NBPF9: variants seen among roughly 807,000 people sequenced by gnomAD.
NBPF9 encodes NBPF member 9.
Under a neutral mutation model 97.8 loss-of-function variants are expected in NBPF9, and 91 were observed. That is an observed-to-expected ratio of 0.93 (90% CI 0.79 to 1.11). The LOEUF is 1.11. NBPF9 is among the 50% of genes least tolerant of loss of function. The pLI, the probability that NBPF9 is intolerant of heterozygous loss-of-function variation, is 0.00. For missense variants in NBPF9, 992 were observed against 939.5 expected (o/e 1.06, Z -0.73); for synonymous variants, 334 against 359.5 (o/e 0.93, Z 0.80).
chr1:149,085,276 A>G (rs1400293012), intron 5 of NBPF9, among the ~76,000 whole-genome samples: 4 of 152,172 alleles, frequency 2.6e-5, no homozygotes, highest in Admixed American at 6.5e-5. Context: ...ATAACTGTAC[A>G]TAAGTGGGCA....
At chr1:149,089,723 G>C (rs2081293045) in intron 5 of NBPF9, among the ~76,000 whole-genome samples, 1 of 152,304 alleles carries the variant, frequency 6.6e-6, no homozygotes, top group South Asian at 2.1e-4. Context: ...TCAAGATATT[G>C]TTATTTTCAA....
rs1162853203 is a variant in NBPF9, at chr1:149,088,083, G to A, written c.-195+2670C>T. On this transcript the variant is annotated intron_variant, in intron 5 of 29. Coordinates refer to ENST00000584027, the Ensembl canonical transcript of NBPF9. ...CCTGACCTCATGATCTGCCCACCTC[G>A]GCCTCCCAAAGTGCTGAGATTACAG... Among the ~76,000 whole-genome samples, 29 of 152,154 alleles carry A rather than the reference G, an allele frequency of 1.9e-4. No individual in the cohort carries two copies. The East Asian group carries it at 2.1e-3, about 11-fold the overall frequency.
chr1:149,062,570 A>G (rs878945047), intron 21 of NBPF9, among the ~76,000 whole-genome samples: 6 of 140,600 alleles, frequency 4.3e-5, no homozygotes, highest in Non-Finnish European at 9.3e-5. Flanking sequence ...CACACAGCGA[A>G]CAGTGATCAT....
intron 13 of NBPF9, 38 bp from the exon 14 acceptor site, chr1:149,072,970 G>C: frequency 6.3e-7 from 1 of 1,595,338 alleles, no homozygotes; most frequent in Non-Finnish European, 8.6e-7. Flanking sequence ...AGAGTGGAAA[G>C]GGTTGAGTGA....
At chr1:149,094,746 C>A (rs1391224215) in intron 4 of NBPF9, among the ~76,000 whole-genome samples, 1 of 143,346 alleles carries the variant, frequency 7.0e-6, no homozygotes, top group African/African-American at 2.8e-5. Context: ...TGAAAGTCAA[C>A]CCTTCTAGGG....
At chr1:149,068,340 TAA>T (rs1375453304) in intron 17 of NBPF9, among the ~76,000 whole-genome samples, 2 of 151,044 alleles carry the variant, frequency 1.3e-5, no homozygotes, top group Non-Finnish European at 2.9e-5. Context: ...GCAAATTGGA[TAA>T]AGAGTCAAGA....
chr1:149,076,041 A>G (rs1180722822), intron 11 of NBPF9, among the ~76,000 whole-genome samples, 177 bp from the exon 12 acceptor site: 1 of 152,072 alleles, frequency 6.6e-6, no homozygotes, highest in Non-Finnish European at 1.5e-5. Flanking sequence ...TGTCTTAGCT[A>G]TGCAGTCACC....
In NBPF9 at chr1:149,096,050, T is replaced by G. The variant is rs587639250; in HGVS notation, c.-337+2388A>C. 2.0e-5 allele frequency among the ~76,000 whole-genome samples: 3 copies of G among 152,088 alleles called. No individual in the cohort carries two copies. The South Asian group carries it at 6.2e-4, about 32-fold the overall frequency. On this transcript the variant is annotated intron_variant, in intron 4 of 29. Transcript: ENST00000584027. ...TGATTTTACAAAACAAGCTGTCAAGTCATGAAAAGACGTGGAGGAACTTAA... is the reference window on the plus strand; with the variant it reads ...TGATTTTACAAAACAAGCTGTCAAGGCATGAAAAGACGTGGAGGAACTTAA...
In NBPF9 at chr1:149,064,476, C is replaced by T. The variant is rs1170634053; in HGVS notation, c.1808G>A (p.Arg603Gln). The change falls in exon 19 of 30, where the codon CGG (arginine) becomes CAG (glutamine). Residue 603 changes from arginine to glutamine, a missense_variant. By Grantham distance (43) the Arg-to-Gln change is conservative. This residue lies in a region of NBPF9 where 16 missense variants were observed against 45.2 expected (regional missense o/e 0.35). Transcript: ENST00000584027. ...GTCCTCCTTTTTCACTTGATCCCAC[C>T]GATGTCCTGCAAATAAATTCAGATG... The T allele has an allele frequency of 1.8e-5, 27 of 1,478,636 alleles. 1 individual carries two copies. Among genetic ancestry groups the T allele is most frequent in the East Asian group, 1.7e-4 (7 of 41,302 alleles). 91.6% of individuals were successfully genotyped at this position (1,478,636 alleles called of 1,614,324 possible). A position where few individuals can be genotyped will look rare whatever the true frequency, so the allele number is the denominator to read the frequency against.
At chr1:149,094,202 C>T (rs2081597536) in intron 4 of NBPF9, among the ~76,000 whole-genome samples, 1 of 150,056 alleles carries the variant, frequency 6.7e-6, no homozygotes, top group Non-Finnish European at 1.5e-5. Context: ...GAAAATGTAT[C>T]ATCTCAATTT....
At chr1:149,087,172 T>C (rs1333810188) in intron 5 of NBPF9, among the ~76,000 whole-genome samples, 1 of 152,030 alleles carries the variant, frequency 6.6e-6, no homozygotes, top group Non-Finnish European at 1.5e-5. Context: ...TGTGTCTTCT[T>C]TTCTGAAGTA....
At chr1:149,075,305 G>T (rs2079761785) in intron 12 of NBPF9, among the ~76,000 whole-genome samples, 1 of 152,180 alleles carries the variant, frequency 6.6e-6, no homozygotes, top group Non-Finnish European at 1.5e-5. Context: ...CAGACATTTA[G>T]AACAACAGAC....
chr1:149,103,123 G>A (rs1217695925), intron 1 of NBPF9, among the ~76,000 whole-genome samples, 178 bp downstream of exon 1: 1 of 152,004 alleles, frequency 6.6e-6, no homozygotes, highest in Non-Finnish European at 1.5e-5. Context: ...CGGCAAGCGA[G>A]GAATCGAACG....
chr1:149,093,011 A>T (rs1432534534), intron 4 of NBPF9, among the ~76,000 whole-genome samples: 1 of 150,510 alleles, frequency 6.6e-6, no homozygotes, highest in African/African-American at 2.4e-5. Flanking sequence ...TTCAGCATAC[A>T]GAGGACCCAT....
At chr1:149,087,844 T>C (rs1371721403) in intron 5 of NBPF9, among the ~76,000 whole-genome samples, 2 of 138,954 alleles carry the variant, frequency 1.4e-5, no homozygotes, top group African/African-American at 5.4e-5. Flanking sequence ...TTTTTTTTTT[T>C]TTTTTTGAGA....
chr1:149,090,458 T>C (rs1446389253), intron 5 of NBPF9: 124,595 of 243,490 alleles, frequency 0.51, 32,814 homozygotes, highest in African/African-American at 0.62. Context: ...GGACAGACAA[T>C]AAATTTGCAT....
rs1242012286 is a variant in NBPF9, at chr1:149,087,374, C to CAT, written c.-195+3377_-195+3378dup. On this transcript the variant is annotated intron_variant, in intron 5 of 29. Transcript: ENST00000584027. Reference sequence around the variant, plus strand: ...ACGTTTGTGTGTGTATGTGTGTATACATATATATATGTCCTAAGAATCAAT... The same window carrying CAT: ...ACGTTTGTGTGTGTATGTGTGTATACATATATATATATGTCCTAAGAATCAAT... 6.2e-3 allele frequency among the ~76,000 whole-genome samples: 918 copies of CAT among 147,592 alleles called. 4 individuals are homozygous for CAT. Among genetic ancestry groups the CAT allele is most frequent in the Admixed American group, 0.013 (193 of 14,876 alleles).
chr1:149,073,740 C>A (rs1424631185), intron 13 of NBPF9, 28 bp downstream of exon 13: 11 of 1,553,006 alleles, frequency 7.1e-6, no homozygotes, highest in African/African-American at 1.3e-5. Flanking sequence ...CACCTGCCCC[C>A]CTGCCTGCCC....
chr1:149,082,936 C>G (rs1279996958), intron 5 of NBPF9, among the ~76,000 whole-genome samples: 2 of 144,456 alleles, frequency 1.4e-5, no homozygotes, highest in Non-Finnish European at 3.0e-5. Flanking sequence ...CCCGCCACCA[C>G]GCCTGGCTAA....
Sources: allele counts gnomAD v4.1 joint callset (sites outside exome capture counted in the v4.1 genomes callset), GRCh38; gene constraint gnomAD v4.1.1; regional missense constraint gnomAD v4.1.1; transcripts MANE v1.5; gene names NCBI Gene and HGNC (gene_info 2026-07-23, HGNC 2026-07-21).